Variants in TOPBP1 observed in about 807,000 individuals in gnomAD.
The protein encoded by TOPBP1 is DNA topoisomerase II binding protein 1.
A neutral mutation model predicts 167.7 loss-of-function variants in TOPBP1; 28 were observed. The observed-to-expected ratio is 0.17, with a 90% CI of 0.12 to 0.23. The LOEUF (loss-of-function observed/expected upper bound fraction) is 0.23. TOPBP1 is among the 10% of genes least tolerant of loss of function. The probability of loss-of-function intolerance (pLI) is 1.00; values close to 1 mark genes in which losing one functional copy is unlikely to be tolerated. For missense variants in TOPBP1, 1,554 were observed against 1,809.6 expected (o/e 0.86, Z 2.56); for synonymous variants, 598 against 611.4 (o/e 0.98, Z 0.32).
intron 10 of TOPBP1, among the ~76,000 whole-genome samples, chr3:133,648,238 G>A (rs912732199): frequency 3.3e-5 from 5 of 152,192 alleles, no homozygotes; most frequent in African/African-American, 1.2e-4. Context: ...CAGCCGAAGA[G>A]TCTTAGAGAA....
intron 14 of TOPBP1, among the ~76,000 whole-genome samples, chr3:133,629,774 T>C: frequency 6.6e-6 from 1 of 151,634 alleles, no homozygotes; most frequent in Admixed American, 6.6e-5. Context: ...TCTTTATATG[T>C]GTGTGTGTGT....
chr3:133,641,347 A>C (rs1397958468), intron 12 of TOPBP1, among the ~76,000 whole-genome samples: 1 of 152,146 alleles, frequency 6.6e-6, no homozygotes, highest in East Asian at 1.9e-4. Flanking sequence ...TTATTTAGTG[A>C]AGTTTCACAA....
intron 27 of TOPBP1, among the ~76,000 whole-genome samples, chr3:133,608,282 T>A (rs1188696248): frequency 6.6e-6 from 1 of 152,210 alleles, no homozygotes; most frequent in Non-Finnish European, 1.5e-5. Context: ...TAAAGGGTAT[T>A]TTTAAAGCCT....
chr3:133,652,054 C>T (rs1205707748), intron 8 of TOPBP1, among the ~76,000 whole-genome samples: 2 of 151,628 alleles, frequency 1.3e-5, no homozygotes, highest in Non-Finnish European at 2.9e-5. Context: ...GGCTGATGCC[C>T]AGGAGTTCAA....
rs190036316 is a variant in TOPBP1, at chr3:133,645,061, T to A, written c.1505-698A>T. The stretch of plus-strand genomic sequence containing the variant: ...AGGTCACACAGTTAAGTGGCAGAAA[T>A]GAGATACAAACCAAAGTCTGTCTAA... On this transcript the variant is annotated intron_variant, in intron 10 of 27. Coordinates refer to ENST00000260810, the MANE Select transcript of TOPBP1 (RefSeq NM_007027.4). 2.6e-5 allele frequency among the ~76,000 whole-genome samples: 4 copies of A among 152,270 alleles called. No homozygotes were observed. In the East Asian group the frequency reaches 7.7e-4, roughly 29 times the overall value.
In TOPBP1 at chr3:133,628,638, T is replaced by C. The variant is rs964748416; in HGVS notation, c.2616A>G (p.Gln872=). Residue 872 remains glutamine, a synonymous_variant, in exon 15 of 28, where the codon CAA becomes CAG. Coordinates refer to ENST00000260810, the MANE Select transcript of TOPBP1 (RefSeq NM_007027.4). The stretch of plus-strand genomic sequence containing the variant: ...TTCGAGAGCTATTTGCCAAAGCAAG[T>C]TGCAAGTTTTTGACAATAACTTCTG... ...PLSEVIVKNL[Q]LALANSSRNA... The C allele has an allele frequency of 9.4e-6, 15 of 1,598,878 alleles. No homozygotes were observed. The highest frequency in any genetic ancestry group is 1.3e-5 in the African/African-American group (1 of 74,704).
Position 133,611,031 on chromosome 3 carries a change from C to T in TOPBP1, c.4146G>A (p.Gln1382=), listed in dbSNP as rs748744362. ...LAAMRWRKKI[Q]QRQESGIVEG... is the part of the protein sequence containing the mutation. ...CAACAATGCCAGATTCTTGTCTTTGCTGGATTTTTTTTCTCCATCTCATTG... is the reference window on the plus strand; with the variant it reads ...CAACAATGCCAGATTCTTGTCTTTGTTGGATTTTTTTTCTCCATCTCATTG... Residue 1382 remains glutamine (Q), a synonymous_variant, in exon 25 of 28, where the codon CAG becomes CAA. Coordinates refer to ENST00000260810, the MANE Select transcript of TOPBP1 (RefSeq NM_007027.4). The T allele has an allele frequency of 1.2e-6, 2 of 1,612,284 alleles. No homozygotes were observed. The highest frequency in any genetic ancestry group is 1.7e-5 in the Admixed American group (1 of 59,910).
chr3:133,653,615 T>A, intron 6 of TOPBP1, 91 bp from the exon 7 acceptor site: 1 of 1,155,168 alleles, frequency 8.7e-7, no homozygotes, highest in Non-Finnish European at 1.2e-6. Context: ...ATATTCAAAT[T>A]ATAACAGGTT....
chr3:133,659,925 T>C (rs1396240581), intron 2 of TOPBP1, among the ~76,000 whole-genome samples: 1 of 152,208 alleles, frequency 6.6e-6, no homozygotes, highest in Non-Finnish European at 1.5e-5. Context: ...AGTCAGATCA[T>C]GTTTACTCTT....
Position 133,620,253 on chromosome 3 carries a change from C to T in TOPBP1, c.3273G>A (p.Arg1091=), listed in dbSNP as rs747985790. 9 of 1,613,800 alleles carry T rather than the reference C, an allele frequency of 5.6e-6. No homozygotes were observed. In the African/African-American group the frequency reaches 1.2e-4, roughly 22 times the overall value. The change falls in exon 20 of 28, where the codon AGG becomes AGA. Residue 1091 remains arginine (R), a synonymous_variant. Transcript: ENST00000260810. ...TACAACCACTTCTTGAAAGGGAAGT[C>T]CTCTGCCCTTGGGGTTTCACTATTG... is the stretch of plus-strand genomic sequence containing the variant. ...ATSIVKPQGQ[R]TSLSRSGCNS... is the part of the protein sequence containing the mutation.
chr3:133,649,980 T>G, intron 8 of TOPBP1, 37 bp from the exon 9 acceptor site: 1 of 1,467,160 alleles, frequency 6.8e-7, no homozygotes, highest in African/African-American at 1.4e-5. Context: ...CATAACATGC[T>G]TTCTCTCAAT....
intron 6 of TOPBP1, among the ~76,000 whole-genome samples, chr3:133,654,760 A>G (rs1377888166): frequency 6.6e-6 from 1 of 152,118 alleles, no homozygotes; most frequent in African/African-American, 2.4e-5. Flanking sequence ...TGTCTTTTTC[A>G]TTTTTTACTG....
At chr3:133,605,614 G>A (rs1406793894) in intron 27 of TOPBP1, among the ~76,000 whole-genome samples, 1 of 151,994 alleles carries the variant, frequency 6.6e-6, no homozygotes, top group Non-Finnish European at 1.5e-5. Flanking sequence ...AGTAAACTAG[G>A]AATAAAAGGA....
intron 24 of TOPBP1, among the ~76,000 whole-genome samples, chr3:133,611,379 C>T (rs1354200618): frequency 1.3e-5 from 2 of 152,142 alleles, no homozygotes; most frequent in Non-Finnish European, 2.9e-5. Context: ...ATACCACATA[C>T]ATTTTTAAGA....
At chr3:133,658,785 C>A (rs1486073384) in intron 3 of TOPBP1, among the ~76,000 whole-genome samples, 1 of 152,088 alleles carries the variant, frequency 6.6e-6, no homozygotes, top group Non-Finnish European at 1.5e-5. Context: ...AAAGCCTGGG[C>A]AACAGAACAA....
At chr3:133,602,137 G>A (rs1934326913) in intron 27 of TOPBP1, among the ~76,000 whole-genome samples, 1 of 152,152 alleles carries the variant, frequency 6.6e-6, no homozygotes, top group Non-Finnish European at 1.5e-5. Flanking sequence ...GTCTTGCTGT[G>A]TTGCCCAGGC....
At chr3:133,633,202 G>A (rs936551483) in intron 14 of TOPBP1, among the ~76,000 whole-genome samples, 2 of 152,140 alleles carry the variant, frequency 1.3e-5, no homozygotes, top group Admixed American at 6.5e-5. Flanking sequence ...CAATGTCTCC[G>A]ATTCTTCTCA....
chr3:133,651,175 T>C (rs1481062329), intron 8 of TOPBP1, among the ~76,000 whole-genome samples: 2 of 145,522 alleles, frequency 1.4e-5, no homozygotes, highest in Non-Finnish European at 3.0e-5. Flanking sequence ...ATTTCCCTTT[T>C]TTTTTTTTTT....
In TOPBP1 at chr3:133,620,267, G is replaced by T. The variant is rs763023510; in HGVS notation, c.3259C>A (p.Pro1087Thr). 1.9e-6 allele frequency: 3 copies of T among 1,613,924 alleles called. No individual in the cohort carries two copies. The highest frequency in any genetic ancestry group is 2.5e-6 in the Non-Finnish European group (3 of 1,179,884). Residue 1087 changes from proline to threonine, a missense_variant, in exon 20 of 28, where the codon CCC becomes ACC. Pro to Thr is a conservative substitution (Grantham distance 38, BLOSUM62 -1). Around this residue, in one of 3 missense-constraint regions of TOPBP1, gnomAD observed 1,197 missense variants for 1,351.5 expected, o/e 0.89. Coordinates refer to ENST00000260810, the MANE Select transcript of TOPBP1 (RefSeq NM_007027.4). The stretch of plus-strand genomic sequence containing the variant: ...GAAAGGGAAGTCCTCTGCCCTTGGG[G>T]TTTCACTATTGATGTTGCAGACATT... ...EIMSATSIVK[P>T]QGQRTSLSRS...
Sources: allele counts gnomAD v4.1 joint callset (sites outside exome capture counted in the v4.1 genomes callset), GRCh38; gene constraint gnomAD v4.1.1; regional missense constraint gnomAD v4.1.1; transcripts MANE v1.5; gene names NCBI Gene and HGNC (gene_info 2026-07-23, HGNC 2026-07-21).